The following PCDH15 variants were observed in gnomAD, a reference collection of about 807,000 sequenced individuals.
PCDH15 encodes protocadherin-15.
PCDH15 carries 129 observed loss-of-function variants against 178.5 expected under a neutral mutation model. The observed-to-expected ratio is 0.72, with a 90% CI of 0.63 to 0.84. PCDH15 has a LOEUF of 0.84. Among genes scored for constraint, PCDH15 ranks in the 40% least tolerant of loss-of-function variants. The probability of loss-of-function intolerance (pLI) is 0.00; values close to 1 mark genes in which losing one functional copy is unlikely to be tolerated. For missense variants in PCDH15, 2,230 were observed against 2,099.9 expected, an observed-to-expected ratio of 1.06 and a Z score of -1.21; for synonymous variants, 800 against 732.0, an observed-to-expected ratio of 1.09 and a Z score of -1.50.
intron 2 of PCDH15, among the ~76,000 whole-genome samples, chr10:55,030,663 TTTTG>T (rs1369170076): frequency 6.6e-6 from 1 of 152,204 alleles, no homozygotes; most frequent in Non-Finnish European, 1.5e-5. Flanking sequence ...GTAAGTTCTG[TTTTG>T]TTTATTTAAA....
At chr10:55,305,731 T>C (rs1306397567) in intron 1 of PCDH15, among the ~76,000 whole-genome samples, 1 of 152,208 alleles carries the variant, frequency 6.6e-6, no homozygotes, top group African/African-American at 2.4e-5. Flanking sequence ...GAATGTCAAT[T>C]TTCCCATTTG....
At chr10:54,327,641 G>A (rs537441889) in intron 7 of PCDH15, among the ~76,000 whole-genome samples, 37 of 151,722 alleles carry the variant, frequency 2.4e-4, no homozygotes, top group African/African-American at 8.7e-4. Context: ...TCTAAGAAAG[G>A]CAAGAAAATG....
At chr10:54,691,095 A>G (rs1371090176) in intron 1 of PCDH15, among the ~76,000 whole-genome samples, 3 of 152,204 alleles carry the variant, frequency 2.0e-5, no homozygotes, top group African/African-American at 7.2e-5. Context: ...AATTACCTCC[A>G]AACTTCAAAT....
At chr10:54,276,032 A>C (rs2058334079) in intron 8 of PCDH15, among the ~76,000 whole-genome samples, 1 of 151,824 alleles carries the variant, frequency 6.6e-6, no homozygotes, top group Non-Finnish European at 1.5e-5. Context: ...TGCAAAAGCA[A>C]AACTTTAACA....
At chr10:55,006,751 T>C (rs1839937288) in intron 2 of PCDH15, among the ~76,000 whole-genome samples, 1 of 152,206 alleles carries the variant, frequency 6.6e-6, no homozygotes, top group Non-Finnish European at 1.5e-5. Context: ...GACATGGAGA[T>C]AAAGTAGATT....
chr10:54,614,891 T>C (rs2093080298), intron 2 of PCDH15, among the ~76,000 whole-genome samples: 1 of 152,056 alleles, frequency 6.6e-6, no homozygotes, highest in East Asian at 1.9e-4. Context: ...GAGGATCAGA[T>C]GAGATATAAG....
At chr10:54,014,025 G>GA (rs200013790) in intron 20 of PCDH15, among the ~76,000 whole-genome samples, 13 of 148,984 alleles carry the variant, frequency 8.7e-5, no homozygotes, top group African/African-American at 2.5e-4. Flanking sequence ...AGACAAATAA[G>GA]AAAAAAAAAG....
At chr10:54,526,270 A>T (rs2083353947) in intron 3 of PCDH15, among the ~76,000 whole-genome samples, 1 of 152,198 alleles carries the variant, frequency 6.6e-6, no homozygotes. Context: ...ATCACACATT[A>T]AAACAAATTT....
intron 2 of PCDH15, among the ~76,000 whole-genome samples, chr10:54,652,507 T>A (rs1165170409): frequency 6.6e-6 from 1 of 152,216 alleles, no homozygotes; most frequent in Non-Finnish European, 1.5e-5. Context: ...TGGGCTAGAT[T>A]GTGTTCCCCA....
At chr10:54,505,802 A>T (rs575222580) in intron 3 of PCDH15, among the ~76,000 whole-genome samples, 2 of 152,160 alleles carry the variant, frequency 1.3e-5, no homozygotes, top group Non-Finnish European at 2.9e-5. Flanking sequence ...TAATAATGAA[A>T]AAAAGACCAA....
chr10:53,843,426 CAAAGAA>C (rs1300944927), intron 28 of PCDH15, among the ~76,000 whole-genome samples: 5 of 151,966 alleles, frequency 3.3e-5, no homozygotes, highest in African/African-American at 9.6e-5. Context: ...CCCACACACA[CAAAGAA>C]AAAGAGATTT....
chr10:53,866,446 AATATAT>A (rs55793083), intron 27 of PCDH15, among the ~76,000 whole-genome samples, 190 bp downstream of exon 27: 2 of 145,798 alleles, frequency 1.4e-5, no homozygotes, highest in East Asian at 2.0e-4. Context: ...TGTTTTTGTA[AATATAT>A]ATATATATAT....
intron 1 of PCDH15, among the ~76,000 whole-genome samples, chr10:54,727,828 A>G (rs1458133198): frequency 6.6e-6 from 1 of 151,502 alleles, no homozygotes; most frequent in Non-Finnish European, 1.5e-5. Flanking sequence ...AAACTAGAAA[A>G]CCTTGAAGGA....
intron 1 of PCDH15, among the ~76,000 whole-genome samples, chr10:55,206,359 A>G (rs1363064265): frequency 6.6e-6 from 1 of 152,136 alleles, no homozygotes; most frequent in Non-Finnish European, 1.5e-5. Flanking sequence ...ATAAAAGATC[A>G]CTACTTTTCC....
At chr10:55,094,248 G>A (rs535780277) in intron 2 of PCDH15, among the ~76,000 whole-genome samples, 39 of 152,140 alleles carry the variant, frequency 2.6e-4, no homozygotes, top group African/African-American at 9.2e-4. Flanking sequence ...GTAGGGACAT[G>A]GATGAAGCTG....
chr10:54,276,612 C>A (rs532433547), intron 8 of PCDH15, among the ~76,000 whole-genome samples: 256 of 151,532 alleles, frequency 1.7e-3, no homozygotes, highest in Non-Finnish European at 2.8e-3. Flanking sequence ...AGAAAATAAT[C>A]TTGTACATAT....
At chr10:54,714,351 T>A (rs2095455763) in intron 1 of PCDH15, among the ~76,000 whole-genome samples, 1 of 152,092 alleles carries the variant, frequency 6.6e-6, no homozygotes, top group Non-Finnish European at 1.5e-5. Flanking sequence ...TATGAAATAA[T>A]AGAACTTACA....
At chr10:54,412,310 G>C (rs1953653551) in intron 3 of PCDH15, among the ~76,000 whole-genome samples, 1 of 150,838 alleles carries the variant, frequency 6.6e-6, no homozygotes, top group Non-Finnish European at 1.5e-5. Context: ...GTTACTAAAG[G>C]AACTTCCACC....
At chr10:55,070,970 T>C (rs1290080620) in intron 2 of PCDH15, among the ~76,000 whole-genome samples, 1 of 152,076 alleles carries the variant, frequency 6.6e-6, no homozygotes, top group East Asian at 1.9e-4. Context: ...TGGTTTGTAG[T>C]TCTCCTTGAA....
Sources: gnomAD v4.1 joint callset for allele counts (sites outside exome capture counted in the v4.1 genomes callset) on GRCh38, gnomAD v4.1.1 for gene constraint, MANE v1.5 for transcripts, NCBI Gene and HGNC (gene_info 2026-07-23, HGNC 2026-07-21) for gene names.